The following ROR2 variants were observed in gnomAD, a reference collection of about 807,000 sequenced individuals.
The protein encoded by ROR2 is ROR family WNT receptor 2.
A neutral mutation model predicts 74.9 loss-of-function variants in ROR2; 33 were observed. The ratio of observed to expected loss-of-function variants is 0.44; its 90% CI spans 0.33 to 0.59. The LOEUF (loss-of-function observed/expected upper bound fraction) is 0.59. Ranked by LOEUF, ROR2 falls within the 20% of genes least tolerant of loss-of-function variation. ROR2 has a pLI of 0.02. For synonymous variants in ROR2, 586 were observed against 558.7 expected, an observed-to-expected ratio of 1.05 and a Z score of -0.69; for missense variants, 1,216 against 1,313.8, an observed-to-expected ratio of 0.93 and a Z score of 1.15.
At position 91,731,138 on chromosome 9, in the gene ROR2, C is replaced by G. The variant is rs1399289486; in HGVS notation, c.955G>C (p.Gly319Arg). The change falls in exon 7 of 9, where the codon GGC (glycine) becomes CGC (arginine). Residue 319 changes from glycine (G) to arginine (R), a missense_variant. By Grantham distance (125) the Gly-to-Arg change is moderately radical. Coordinates refer to ENST00000375708, the MANE Select transcript of ROR2 (RefSeq NM_004560.4). ...GTTCCTCTGTAATCCATGCCTGAGC[C>G]GTTATAGCACTGATGGTCTGAACAA... Reference protein sequence around the residue: ...RLGRYHQCYNGSGMDYRGTAS... With the variant: ...RLGRYHQCYNRSGMDYRGTAS... The G allele has an allele frequency of 6.2e-7, 1 of 1,614,068 alleles. No homozygotes were observed. Among genetic ancestry groups the G allele is most frequent in the Non-Finnish European group, 8.5e-7 (1 of 1,180,034 alleles).
At chr9:91,845,617 C>G (rs1277277807) in intron 1 of ROR2, among the ~76,000 whole-genome samples, 1 of 151,996 alleles carries the variant, frequency 6.6e-6, no homozygotes, top group Non-Finnish European at 1.5e-5. Flanking sequence ...CGCGGTTGCT[C>G]GCATCTGTAA....
intron 1 of ROR2, among the ~76,000 whole-genome samples, chr9:91,861,613 G>A (rs1451776144): frequency 6.6e-6 from 1 of 152,168 alleles, no homozygotes; most frequent in Non-Finnish European, 1.5e-5. Flanking sequence ...TACTCAAAAT[G>A]CATCACAGGC....
At chr9:91,870,830 C>G (rs1266201389) in intron 1 of ROR2, among the ~76,000 whole-genome samples, 5 of 152,172 alleles carry the variant, frequency 3.3e-5, no homozygotes, top group African/African-American at 9.7e-5. Context: ...ATACACCTGG[C>G]AAAAATATTT....
At chr9:91,841,624 T>C (rs965960849) in intron 1 of ROR2, among the ~76,000 whole-genome samples, 1 of 152,278 alleles carries the variant, frequency 6.6e-6, no homozygotes, top group African/African-American at 2.4e-5. Flanking sequence ...ATGCAAAAGC[T>C]GGTGCTCAGC....
At chr9:91,731,976 C>T (rs1308474136) in intron 6 of ROR2, among the ~76,000 whole-genome samples, 1 of 152,150 alleles carries the variant, frequency 6.6e-6, no homozygotes. Flanking sequence ...ACCTTCATTT[C>T]AGCCCCACGG....
At chr9:91,725,499 AC>A (rs1836996459) in intron 8 of ROR2, among the ~76,000 whole-genome samples, 1 of 151,512 alleles carries the variant, frequency 6.6e-6, no homozygotes. Context: ...GTTCCCTCCA[AC>A]CCCCATGTGT....
rs137884675 is a variant in ROR2, at chr9:91,772,748, A to G, written c.175+2993T>C. Among the ~76,000 whole-genome samples, 28 of 152,300 alleles carry G rather than the reference A, an allele frequency of 1.8e-4. No individual in the cohort carries two copies. In the East Asian group the frequency reaches 5.2e-3, roughly 28 times the overall value. On this transcript the variant is annotated intron_variant, in intron 2 of 8. Transcript: ENST00000375708. The stretch of plus-strand genomic sequence containing the variant: ...GGTCATGGGAACGCACTGAACACAC[A>G]TGGTTTTTAAACCATTCACTTGTGG...
intron 1 of ROR2, among the ~76,000 whole-genome samples, chr9:91,919,744 G>A (rs574153256): frequency 2.6e-5 from 4 of 152,222 alleles, no homozygotes; most frequent in Admixed American, 2.0e-4. Flanking sequence ...ATCCTGCAGG[G>A]TGGGGGCCGG....
intron 5 of ROR2, among the ~76,000 whole-genome samples, chr9:91,736,547 C>T (rs1001474729): frequency 6.6e-6 from 1 of 152,230 alleles, no homozygotes; most frequent in African/African-American, 2.4e-5. Context: ...GGGGCACCGG[C>T]CATCTGCACA....
At chr9:91,812,535 C>G (rs540628018) in intron 1 of ROR2, among the ~76,000 whole-genome samples, 2 of 150,060 alleles carry the variant, frequency 1.3e-5, no homozygotes, top group African/African-American at 4.9e-5. Flanking sequence ...CAGGCACACA[C>G]GTGTGTGTGG....
chr9:91,723,613 TG>T lies in ROR2; in HGVS notation c.*48del. 6.2e-7 allele frequency: 1 copy of T among 1,605,320 alleles called. No individual in the cohort carries two copies. The highest frequency in any genetic ancestry group is 1.1e-5 in the South Asian group (1 of 90,210). ...TTCTCAAAGGTGACTGAGGTCCCTG[TG>T]GGGTCTCGGCGGGGCTTCTATCCCC... On this transcript the variant is annotated 3_prime_UTR_variant, in exon 9 of 9. Coordinates refer to ENST00000375708, the MANE Select transcript of ROR2 (RefSeq NM_004560.4).
chr9:91,754,313 A>G (rs1009238426), intron 4 of ROR2, among the ~76,000 whole-genome samples: 3 of 150,966 alleles, frequency 2.0e-5, no homozygotes, highest in South Asian at 2.1e-4. Flanking sequence ...GTTACATAAT[A>G]TATTTATGTA....
intron 1 of ROR2, among the ~76,000 whole-genome samples, chr9:91,784,228 T>C (rs1351405106): frequency 1.3e-5 from 2 of 152,184 alleles, no homozygotes; most frequent in Non-Finnish European, 2.9e-5. Flanking sequence ...TCTTGACTCC[T>C]TTCCTCTCAA....
At chr9:91,886,029 C>T (rs945468353) in intron 1 of ROR2, among the ~76,000 whole-genome samples, 1 of 152,002 alleles carries the variant, frequency 6.6e-6, no homozygotes, top group African/African-American at 2.4e-5. Flanking sequence ...GTGTGCACCA[C>T]TACGTCCGGC....
chr9:91,743,757 T>G, intron 4 of ROR2, among the ~76,000 whole-genome samples: 1 of 152,114 alleles, frequency 6.6e-6, no homozygotes, highest in Non-Finnish European at 1.5e-5. Flanking sequence ...ATGGACCAAC[T>G]GGGGTTAATT....
chr9:91,926,124 G>A (rs530556378), intron 1 of ROR2, among the ~76,000 whole-genome samples: 4 of 151,984 alleles, frequency 2.6e-5, no homozygotes, highest in Non-Finnish European at 5.9e-5. Flanking sequence ...GCTCACGCCT[G>A]TAATCCCAGC....
chr9:91,905,167 A>ACC lies in ROR2; in HGVS notation c.97+44699_97+44700insGG, dbSNP rs925225185. Among the ~76,000 whole-genome samples, 2 of 151,820 alleles carry ACC rather than the reference A, an allele frequency of 1.3e-5. No individual in the cohort carries two copies. The highest frequency in any genetic ancestry group is 4.8e-5 in the African/African-American group (2 of 41,298). Reference sequence around the variant, plus strand: ...AAATATCACACATGCAAGACACACCACACAACACATACCATACACAACACA... The same window carrying ACC: ...AAATATCACACATGCAAGACACACCACCCACAACACATACCATACACAACACA... On this transcript the variant is annotated intron_variant, in intron 1 of 8. Coordinates refer to ENST00000375708, the MANE Select transcript of ROR2 (RefSeq NM_004560.4). The surrounding 1 kb of genome is among the most constrained non-coding windows in gnomAD (Gnocchi z 5.3).
At chr9:91,750,870 C>A (rs151086484) in intron 4 of ROR2, among the ~76,000 whole-genome samples, 3 of 152,018 alleles carry the variant, frequency 2.0e-5, no homozygotes, top group Non-Finnish European at 4.4e-5. Context: ...GCTTTTAGAA[C>A]GACAAAATGA....
At chr9:91,780,294 G>A (rs563619304) in intron 1 of ROR2, among the ~76,000 whole-genome samples, 1 of 151,184 alleles carries the variant, frequency 6.6e-6, no homozygotes, top group African/African-American at 2.4e-5. Flanking sequence ...GGAGAATGGC[G>A]TGAAGCTGGG....
Sources: allele counts gnomAD v4.1 joint callset (sites outside exome capture counted in the v4.1 genomes callset), GRCh38; gene constraint gnomAD v4.1.1; non-coding constraint Gnocchi (gnomAD v3.1); transcripts MANE v1.5; gene names NCBI Gene and HGNC (gene_info 2026-07-23, HGNC 2026-07-21).